The following MAPK10 variants were observed in gnomAD, a reference collection of about 807,000 sequenced individuals.
The protein encoded by MAPK10 is JNK3 alpha protein kinase.
In MAPK10, 25 loss-of-function variants were observed where a neutral mutation model predicts 59.3. The ratio of observed to expected loss-of-function variants is 0.42; its 90% confidence interval spans 0.31 to 0.59. The LOEUF (loss-of-function observed/expected upper bound fraction) is 0.59, where lower values mean the gene tolerates loss of function less well. Ranked by LOEUF, MAPK10 falls within the 20% of genes least tolerant of loss-of-function variation. The pLI, the probability that MAPK10 is intolerant of heterozygous loss-of-function variation, is 0.15. For missense variants in MAPK10, 351 were observed against 568.9 expected (o/e 0.62, Z 3.90); for synonymous variants, 190 against 200.5 (o/e 0.95, Z 0.44).
At chr4:86,331,466 A>G (rs1578371456) in intron 2 of MAPK10, among the ~76,000 whole-genome samples, 1 of 152,122 alleles carries the variant, frequency 6.6e-6, no homozygotes, top group Non-Finnish European at 1.5e-5. Context: ...TTCCCTCTGT[A>G]CCCTTTAATC....
intron 1 of MAPK10, among the ~76,000 whole-genome samples, chr4:86,531,179 C>A (rs1260464473): frequency 1.3e-5 from 2 of 152,232 alleles, no homozygotes; most frequent in African/African-American, 2.4e-5. Context: ...TCACTGGCTA[C>A]TTTTCCTCCA....
intron 2 of MAPK10, among the ~76,000 whole-genome samples, chr4:86,218,619 A>G (rs6832259): frequency 0.32 from 48,347 of 149,714 alleles, 10,737 homozygotes; most frequent in African/African-American, 0.63. Context: ...AAGGCAAAAT[A>G]AAATCTTAAT....
chr4:86,504,847 G>A (rs1370069913), intron 1 of MAPK10, among the ~76,000 whole-genome samples: 4 of 152,072 alleles, frequency 2.6e-5, no homozygotes, highest in Non-Finnish European at 5.9e-5. Context: ...AGCCAGAAGA[G>A]GAAAAGAAGT....
In MAPK10 at chr4:86,014,303, GGTGTGTGTGTGTGTGTGTGTGTGTGT is replaced by G. The variant is rs58674852; in HGVS notation, c.*2899_*2924del. The G allele has an allele frequency of 1.4e-5, 2 of 143,992 alleles. No individual in the cohort carries two copies. The highest frequency in any genetic ancestry group is 2.6e-5 in the African/African-American group (1 of 38,532). The allele number at this position is 143,992 out of a possible 1,614,324, so 8.9% of individuals were successfully genotyped here. A position where few individuals can be genotyped will look rare whatever the true frequency, so the allele number is the denominator to read the frequency against. Reference sequence around the variant, plus strand: ...AGGTGACTATTTAAGAAATATTTGGGGTGTGTGTGTGTGTGTGTGTGTGTGTGTGTGTGTGTGTGTGTTAAGACAGA... The same window carrying G: ...AGGTGACTATTTAAGAAATATTTGGGGTGTGTGTGTGTGTGTTAAGACAGA... On this transcript the variant is annotated 3_prime_UTR_variant, in exon 14 of 14. Coordinates refer to ENST00000641462, the MANE Select transcript of MAPK10 (RefSeq NM_138982.4).
intron 11 of MAPK10, among the ~76,000 whole-genome samples, chr4:86,048,635 T>C (rs761800333): frequency 1.3e-5 from 2 of 151,988 alleles, no homozygotes; most frequent in Non-Finnish European, 2.9e-5. Context: ...TAAGGAGTCA[T>C]CCTGGAGACC....
chr4:86,345,745 C>T (rs1229967274), intron 2 of MAPK10, among the ~76,000 whole-genome samples: 1 of 152,174 alleles, frequency 6.6e-6, no homozygotes, highest in Non-Finnish European at 1.5e-5. Context: ...GAACAAAACA[C>T]CCCGCTCTAG....
intron 2 of MAPK10, among the ~76,000 whole-genome samples, chr4:86,221,527 C>T (rs1212064903): frequency 6.6e-6 from 1 of 151,828 alleles, no homozygotes; most frequent in Non-Finnish European, 1.5e-5. Flanking sequence ...TCCCTGGCTG[C>T]CCAGGCAGGA....
At chr4:86,361,972 G>T (rs1220039568), upstream of MAPK10, among the ~76,000 whole-genome samples, 1 of 152,046 alleles carries the variant, frequency 6.6e-6, no homozygotes, top group Non-Finnish European at 1.5e-5. Flanking sequence ...GTGTACTATT[G>T]CACAGCACAG....
At position 86,011,184 on chromosome 4, in the gene MAPK10, T is replaced by C. The variant is rs1207378269; in HGVS notation, c.*6044A>G. The C allele has an allele frequency of 6.6e-6, 1 of 152,260 alleles. No individual in the cohort carries two copies. The highest frequency in any genetic ancestry group is 1.5e-5 in the Non-Finnish European group (1 of 68,046). 9.4% of individuals were successfully genotyped at this position (152,260 alleles called of 1,614,324 possible). A position where few individuals can be genotyped will look rare whatever the true frequency, so the allele number is the denominator to read the frequency against. On this transcript the variant is annotated 3_prime_UTR_variant, in exon 14 of 14. Coordinates refer to ENST00000641462, the MANE Select transcript of MAPK10 (RefSeq NM_138982.4). ...GTGCCTTAAACAGACTACAATGATGTAAATGGTTGAACAGTTGAAATTTAG... is the reference window on the plus strand; with the variant it reads ...GTGCCTTAAACAGACTACAATGATGCAAATGGTTGAACAGTTGAAATTTAG...
intron 2 of MAPK10, among the ~76,000 whole-genome samples, chr4:86,206,566 T>C (rs1276534884): frequency 1.3e-5 from 2 of 152,176 alleles, no homozygotes; most frequent in African/African-American, 4.8e-5. Context: ...TACCCAGTAA[T>C]GGGATGGCTG....
chr4:86,463,995 C>G (rs1406716332), intron 1 of MAPK10, among the ~76,000 whole-genome samples: 1 of 152,124 alleles, frequency 6.6e-6, no homozygotes, highest in Non-Finnish European at 1.5e-5. Flanking sequence ...TTCACAGACT[C>G]TAACTCTTTA....
At chr4:86,247,625 AATAG>A (rs1477602142) in intron 2 of MAPK10, among the ~76,000 whole-genome samples, 2 of 148,494 alleles carry the variant, frequency 1.3e-5, no homozygotes, top group African/African-American at 5.2e-5. Context: ...ATGGTGCTAT[AATAG>A]ATAAACACTG....
At chr4:86,471,380 G>A (rs1006894192) in intron 1 of MAPK10, among the ~76,000 whole-genome samples, 5 of 151,444 alleles carry the variant, frequency 3.3e-5, no homozygotes, top group South Asian at 4.2e-4. Flanking sequence ...GTCTTATTTC[G>A]TAAGTGTTAA....
intron 2 of MAPK10, among the ~76,000 whole-genome samples, chr4:86,248,075 T>C (rs976983883): frequency 3.3e-5 from 5 of 152,216 alleles, no homozygotes; most frequent in Admixed American, 3.3e-4. Context: ...TCTTTGGTTT[T>C]TGCATTTCTC....
At chr4:86,155,063 G>C (rs1351859839) in intron 4 of MAPK10, among the ~76,000 whole-genome samples, 1 of 151,996 alleles carries the variant, frequency 6.6e-6, no homozygotes, top group East Asian at 1.9e-4. Flanking sequence ...ATTAGTTCAA[G>C]GGTGATTAAA....
intron 4 of MAPK10, among the ~76,000 whole-genome samples, chr4:86,144,634 G>T (rs1470908071): frequency 6.6e-6 from 1 of 152,062 alleles, no homozygotes; most frequent in Admixed American, 6.6e-5. Flanking sequence ...TTCTTAGCAA[G>T]GTGGCAGCTG....
chr4:86,195,833 T>C (rs1017812242), intron 2 of MAPK10, among the ~76,000 whole-genome samples: 2 of 152,286 alleles, frequency 1.3e-5, no homozygotes, highest in East Asian at 3.9e-4. Context: ...GGTTTTCGGT[T>C]CCTGTGTTAG....
intron 1 of MAPK10, among the ~76,000 whole-genome samples, chr4:86,503,651 C>T (rs369018972): frequency 4.6e-5 from 7 of 152,092 alleles, no homozygotes; most frequent in Admixed American, 1.3e-4. Flanking sequence ...CTTGCTTCAA[C>T]GCTTACCTAA....
intron 2 of MAPK10, chr4:86,327,192 C>T (rs2096045371): frequency 6.7e-6 from 1 of 148,408 alleles, no homozygotes; most frequent in Admixed American, 6.8e-5. Flanking sequence ...CCAGGCTGGT[C>T]TCAAACTCCT....
Sources: gnomAD v4.1 joint callset for allele counts (sites outside exome capture counted in the v4.1 genomes callset) on GRCh38, gnomAD v4.1.1 for gene constraint, MANE v1.5 for transcripts, NCBI Gene and HGNC (gene_info 2026-07-23, HGNC 2026-07-21) for gene names.